The following NSF variants were observed in gnomAD, a reference collection of about 807,000 sequenced individuals.
NSF encodes vesicle-fusing ATPase.
Under a neutral mutation model 50.3 loss-of-function variants are expected in NSF, and 14 were observed. The ratio of observed to expected loss-of-function variants is 0.28; its 90% CI spans 0.18 to 0.44. The LOEUF (loss-of-function observed/expected upper bound fraction) is 0.44, where lower values mean the gene tolerates loss of function less well. NSF is among the 20% of genes least tolerant of loss of function. The probability of loss-of-function intolerance (pLI) is 1.00; values close to 1 mark genes in which losing one functional copy is unlikely to be tolerated. For synonymous variants in NSF, 109 were observed against 175.7 expected, an observed-to-expected ratio of 0.62 and a Z score of 3.00; for missense variants, 218 against 504.3, an observed-to-expected ratio of 0.43 and a Z score of 5.44.
intron 15 of NSF, among the ~76,000 whole-genome samples, chr17:46,715,539 C>T (rs2146269631): frequency 6.6e-6 from 1 of 152,252 alleles, no homozygotes. Flanking sequence ...TAAATTACTC[C>T]ATTGCTTTCC....
chr17:46,747,362 C>G (rs1349863345), intron 17 of NSF, among the ~76,000 whole-genome samples: 2 of 152,164 alleles, frequency 1.3e-5, no homozygotes, highest in African/African-American at 4.8e-5. Context: ...CTCACTCCAG[C>G]CTCAAACTCC....
chr17:46,610,027 TTCTCTCTCTCTCTC>T (rs1555666763), intron 1 of NSF, among the ~76,000 whole-genome samples: 1 of 109,466 alleles, frequency 9.1e-6, no homozygotes. Context: ...CTTTCTTTCT[TTCTCTCTCTCTCTC>T]TCTTTCTTTC....
intron 2 of NSF, among the ~76,000 whole-genome samples, chr17:46,626,132 G>T (rs1204086563): frequency 7.5e-6 from 1 of 133,636 alleles, no homozygotes; most frequent in African/African-American, 3.2e-5. Flanking sequence ...TATTTTGTAG[G>T]TTGTTTTTGT....
At chr17:46,724,299 G>T (rs1439511190) in intron 15 of NSF, among the ~76,000 whole-genome samples, 2 of 152,160 alleles carry the variant, frequency 1.3e-5, no homozygotes, top group African/African-American at 4.8e-5. Context: ...AATCTCAGTG[G>T]CTTAACACAA....
chr17:46,708,750 TC>T (rs1281523221), intron 13 of NSF, among the ~76,000 whole-genome samples: 1 of 147,416 alleles, frequency 6.8e-6, no homozygotes, highest in Non-Finnish European at 1.5e-5. Flanking sequence ...TACCTCAGCC[TC>T]CCAGTGTGCT....
At chr17:46,703,732 C>G (rs370800423) in intron 12 of NSF, among the ~76,000 whole-genome samples, 1 of 149,060 alleles carries the variant, frequency 6.7e-6, no homozygotes, top group African/African-American at 2.5e-5. Flanking sequence ...TAAAATTTAC[C>G]GTGTAACCAT....
chr17:46,709,016 G>A (rs1598700949), intron 13 of NSF, among the ~76,000 whole-genome samples: 2 of 151,190 alleles, frequency 1.3e-5, no homozygotes, highest in Admixed American at 1.3e-4. Context: ...GTAGAGACGA[G>A]GTTTCACTTT....
chr17:46,728,773 CAA>C (rs376923479), intron 16 of NSF, 80 bp from the exon 17 acceptor site: 1,020 of 713,482 alleles, frequency 1.4e-3, no homozygotes, highest in South Asian at 3.0e-3. Flanking sequence ...ACTTTTGATG[CAA>C]AAAAAAAAAA....
At chr17:46,704,646 T>A (rs2058640968) in intron 12 of NSF, 113 bp from the exon 13 acceptor site, 1 of 1,266,196 alleles carries the variant, frequency 7.9e-7, no homozygotes, top group Admixed American at 3.1e-5. Context: ...CAGATTTTTT[T>A]ATGTGTGAAA....
intron 1 of NSF, among the ~76,000 whole-genome samples, chr17:46,609,762 A>G (rs1487820538): frequency 6.9e-5 from 10 of 144,490 alleles, no homozygotes; most frequent in African/African-American, 2.6e-4. Flanking sequence ...AGTCCGTAAG[A>G]TCATGCAGCA....
chr17:46,610,031 C>CTTTCTTTCTT (rs1568013908), intron 1 of NSF, among the ~76,000 whole-genome samples: 2 of 69,858 alleles, frequency 2.9e-5, no homozygotes, highest in African/African-American at 8.4e-5. Context: ...CTTTCTTTCT[C>CTTTCTTTCTT]TCTCTCTCTC....
At chr17:46,593,151 ACAT>A (rs1473680250) in intron 1 of NSF, among the ~76,000 whole-genome samples, 1 of 37,232 alleles carries the variant, frequency 2.7e-5, no homozygotes, top group East Asian at 7.1e-4. Flanking sequence ...CCACCTTTCC[ACAT>A]CTTCATTTTT....
chr17:46,750,326 C>A lies in NSF; in HGVS notation c.2043+419C>A, dbSNP rs113438252. 2.8e-3 allele frequency among the ~76,000 whole-genome samples: 426 copies of A among 152,290 alleles called. 2 individuals are homozygous for A. Among genetic ancestry groups the A allele is most frequent in the African/African-American group, 9.7e-3 (405 of 41,564 alleles). ...CAAGATTGTGCCACTGCACTCCAGT[C>A]TGGGTGAGGGAGCAAAACTCTAACA... On this transcript the variant is annotated intron_variant, in intron 18 of 20. Coordinates refer to ENST00000398238, the MANE Select transcript of NSF (RefSeq NM_006178.4).
rs2058968068 is a variant in NSF at position 46,733,302 on chromosome 17, C to T, written c.1908+4368C>T. ...GCCAGGTAACTCTTCCTGCAGCCTG[C>T]AGGACCAGTGGCTTGATTTTTCCTC... is the stretch of plus-strand genomic sequence containing the variant. On this transcript the variant is annotated intron_variant, in intron 17 of 20. Coordinates refer to ENST00000398238, the MANE Select transcript of NSF (RefSeq NM_006178.4). Among the ~76,000 whole-genome samples the T allele has an allele frequency of 2.6e-5, 4 of 151,884 alleles. No individual in the cohort carries two copies. In the South Asian group the frequency reaches 8.3e-4, roughly 32 times the overall value.
At chr17:46,739,370 C>CAA (rs1230180574) in intron 17 of NSF, among the ~76,000 whole-genome samples, 5,724 of 52,564 alleles carry the variant, frequency 0.11, 1,566 homozygotes, top group East Asian at 0.55. Flanking sequence ...GACTCTGTCT[C>CAA]AAAAAAAAAA....
In NSF at chr17:46,719,715, T is replaced by A. The variant is rs192057615; in HGVS notation, c.1761+5729T>A. Among the ~76,000 whole-genome samples the A allele has an allele frequency of 7.9e-5, 12 of 152,356 alleles. No homozygotes were observed. Among genetic ancestry groups the A allele is most frequent in the African/African-American group, 2.6e-4 (11 of 41,590 alleles). On this transcript the variant is annotated intron_variant, in intron 15 of 20. Coordinates refer to ENST00000398238, the MANE Select transcript of NSF (RefSeq NM_006178.4). This position sits in a 1 kb window ranked among gnomAD's most constrained non-coding sequence, Gnocchi z 4.3. Reference sequence around the variant, plus strand: ...TTGCATCAATACTTGTTTAAAAATCTATTTTACTAGTTCTATTCGTGCCAT... The same window carrying A: ...TTGCATCAATACTTGTTTAAAAATCAATTTTACTAGTTCTATTCGTGCCAT...
intron 15 of NSF, among the ~76,000 whole-genome samples, chr17:46,725,484 A>G (rs1051978902): frequency 5.9e-5 from 9 of 152,304 alleles, no homozygotes; most frequent in African/African-American, 2.2e-4. Flanking sequence ...GAGGTAAGGA[A>G]GGAACTGAAT....
At chr17:46,595,569 G>A (rs899316714) in intron 1 of NSF, among the ~76,000 whole-genome samples, 2 of 130,430 alleles carry the variant, frequency 1.5e-5, no homozygotes, top group African/African-American at 3.7e-5. Context: ...TGGCCTCACT[G>A]CAACCTCTGC....
intron 1 of NSF, among the ~76,000 whole-genome samples, chr17:46,610,193 T>A (rs1399625459): frequency 1.0e-5 from 1 of 99,462 alleles, no homozygotes; most frequent in Non-Finnish European, 2.2e-5. Flanking sequence ...CTTGAACTCC[T>A]GGCCTCAAAT....
Sources: allele counts gnomAD v4.1 joint callset (sites outside exome capture counted in the v4.1 genomes callset), GRCh38; gene constraint gnomAD v4.1.1; non-coding constraint Gnocchi (gnomAD v3.1); transcripts MANE v1.5; gene names NCBI Gene and HGNC (gene_info 2026-07-23, HGNC 2026-07-21).